The following LOC128462377 variants were observed in gnomAD, a reference collection of about 807,000 sequenced individuals.
the LOC128462377 span, among the ~76,000 whole-genome samples, chr16:89,324,073 A>G: frequency 6.6e-6 from 1 of 152,188 alleles, no homozygotes; most frequent in African/African-American, 2.4e-5. Flanking sequence ...GGTGGTCTCC[A>G]TCTCTTGACC....
chr16:89,322,598 C>G, the LOC128462377 span, among the ~76,000 whole-genome samples: 8 of 152,208 alleles, frequency 5.3e-5, no homozygotes, highest in African/African-American at 1.9e-4. Context: ...AATCCCAGCT[C>G]CAATTCCAAA....
the LOC128462377 span, among the ~76,000 whole-genome samples, chr16:89,339,295 TC>T: frequency 6.6e-6 from 1 of 152,152 alleles, no homozygotes; most frequent in Non-Finnish European, 1.5e-5. Context: ...ATGTCTGAAT[TC>T]CCCCTCAGTA....
At chr16:89,350,684 G>C in the LOC128462377 span, among the ~76,000 whole-genome samples, 1 of 152,150 alleles carries the variant, frequency 6.6e-6, no homozygotes, top group Non-Finnish European at 1.5e-5. Flanking sequence ...ACTTTCTTGG[G>C]GTGATGGAAA....
chr16:89,331,341 T>G, the LOC128462377 span, among the ~76,000 whole-genome samples: 2 of 152,216 alleles, frequency 1.3e-5, no homozygotes, highest in African/African-American at 4.8e-5. Flanking sequence ...AGATGCACAG[T>G]TCACATCATA....
the LOC128462377 span, among the ~76,000 whole-genome samples, chr16:89,353,273 C>T: frequency 5.3e-5 from 8 of 150,850 alleles, no homozygotes; most frequent in Admixed American, 1.3e-4. Context: ...ACTCAGGAGG[C>T]GGAGGTTGCA....
chr16:89,328,402 C>T, the LOC128462377 span, among the ~76,000 whole-genome samples: 93,750 of 152,112 alleles, frequency 0.62, 29,074 homozygotes, highest in Middle Eastern at 0.71. Context: ...CGAATGTTCA[C>T]AGAACTTTCA....
chr16:89,402,742 TA>T, the LOC128462377 span, among the ~76,000 whole-genome samples: 25 of 109,304 alleles, frequency 2.3e-4, no homozygotes, highest in East Asian at 1.4e-3. Flanking sequence ...TGGGGTGAGA[TA>T]GGGGGTATCT....
chr16:89,383,649 C>T, the LOC128462377 span, among the ~76,000 whole-genome samples: 8 of 152,196 alleles, frequency 5.3e-5, no homozygotes, highest in East Asian at 1.9e-4. Context: ...ACGCAGCAGA[C>T]GTCGAGCCCC....
At chr16:89,403,568 C>T in the LOC128462377 span, 1 of 152,192 alleles carries the variant, frequency 6.6e-6, no homozygotes, top group African/African-American at 2.4e-5. Flanking sequence ...AAAAGTACAC[C>T]ACCAAACAGA....
chr16:89,392,496 G>A, the LOC128462377 span: 4 of 152,042 alleles, frequency 2.6e-5, no homozygotes, highest in African/African-American at 7.3e-5. Context: ...ATGTCTCAAT[G>A]GGTCTGCCAG....
the LOC128462377 span, among the ~76,000 whole-genome samples, chr16:89,395,004 C>T: frequency 6.6e-6 from 1 of 152,198 alleles, no homozygotes; most frequent in Non-Finnish European, 1.5e-5. Flanking sequence ...AAATACATCA[C>T]GGTATGATTT....
chr16:89,340,647 C>G, the LOC128462377 span, among the ~76,000 whole-genome samples: 8 of 152,252 alleles, frequency 5.3e-5, no homozygotes, highest in African/African-American at 1.7e-4. Context: ...ATCTTTTTTT[C>G]TAACATGATT....
the LOC128462377 span, among the ~76,000 whole-genome samples, chr16:89,399,115 G>A: frequency 6.6e-6 from 1 of 152,156 alleles, no homozygotes. Flanking sequence ...CACAGCCCAG[G>A]TGGCTCCGAA....
chr16:89,341,914 C>T, the LOC128462377 span, among the ~76,000 whole-genome samples: 28 of 150,964 alleles, frequency 1.9e-4, no homozygotes, highest in African/African-American at 5.6e-4. Context: ...ACAGCGGCCA[C>T]GGCCCACGGC....
At chr16:89,406,123 A>C in the LOC128462377 span, among the ~76,000 whole-genome samples, 4 of 152,016 alleles carry the variant, frequency 2.6e-5, no homozygotes, top group Admixed American at 6.6e-5. Flanking sequence ...AAAAAAAAAA[A>C]AAAAAACCTT....
the LOC128462377 span, among the ~76,000 whole-genome samples, chr16:89,374,659 G>A: frequency 6.6e-6 from 1 of 152,198 alleles, no homozygotes; most frequent in Non-Finnish European, 1.5e-5. Context: ...ACGATCAGAG[G>A]AGAAAAGCTC....
chr16:89,335,447 G>A, the LOC128462377 span, among the ~76,000 whole-genome samples: 2 of 152,350 alleles, frequency 1.3e-5, no homozygotes, highest in South Asian at 2.1e-4. Flanking sequence ...GCTTCAGGAT[G>A]AGTGGGTTCC....
At chr16:89,369,812 G>C in the LOC128462377 span, among the ~76,000 whole-genome samples, 1 of 152,190 alleles carries the variant, frequency 6.6e-6, no homozygotes, top group Admixed American at 6.5e-5. Context: ...GGGTGATACT[G>C]TTCAGTGTGC....
the LOC128462377 span, among the ~76,000 whole-genome samples, chr16:89,329,673 T>C: frequency 6.6e-6 from 1 of 152,202 alleles, no homozygotes; most frequent in African/African-American, 2.4e-5. Flanking sequence ...TTCATAAACC[T>C]TGTTTTGTGT....
Sources: allele counts gnomAD v4.1 joint callset (sites outside exome capture counted in the v4.1 genomes callset), GRCh38; gene constraint gnomAD v4.1.1; transcripts MANE v1.5.